The following MARCHF6 variants were observed in gnomAD, a reference collection of about 807,000 sequenced individuals.
MARCHF6 encodes membrane associated ring-CH-type finger 6.
A neutral mutation model predicts 133.7 loss-of-function variants in MARCHF6; 31 were observed. The ratio of observed to expected loss-of-function variants is 0.23; its 90% confidence interval spans 0.17 to 0.31. MARCHF6 has a LOEUF of 0.31. Among genes scored for constraint, MARCHF6 ranks in the 10% least tolerant of loss-of-function variants. The probability of loss-of-function intolerance (pLI) is 1.00; values close to 1 mark genes in which losing one functional copy is unlikely to be tolerated. For synonymous variants in MARCHF6, 395 were observed against 402.5 expected, an observed-to-expected ratio of 0.98 and a Z score of 0.22; for missense variants, 723 against 1,121.6, an observed-to-expected ratio of 0.64 and a Z score of 5.08.
chr5:10,373,332 C>G (rs1235419936), intron 1 of MARCHF6, among the ~76,000 whole-genome samples: 1 of 152,122 alleles, frequency 6.6e-6, no homozygotes, highest in Non-Finnish European at 1.5e-5. Context: ...ATCCATGTCT[C>G]TCTCCCCACT....
chr5:10,369,818 A>G (rs935052161), intron 1 of MARCHF6, among the ~76,000 whole-genome samples: 2 of 152,064 alleles, frequency 1.3e-5, no homozygotes, highest in African/African-American at 4.8e-5. Context: ...TGCATGTATC[A>G]CTAGTTCATT....
intron 8 of MARCHF6, 107 bp from the exon 9 acceptor site, chr5:10,394,646 G>A: frequency 1.3e-6 from 1 of 795,416 alleles, no homozygotes. Flanking sequence ...GGAAGTGGGT[G>A]AGGACTGTGT....
rs952210889 is a variant in MARCHF6 at position 10,411,333 on chromosome 5, G to C, written c.1692G>C (p.Leu564=). Residue 564 remains leucine (L), a splice_region_variant and synonymous_variant, in exon 19 of 26, where the codon CTG becomes CTC. Coordinates refer to ENST00000274140, the MANE Select transcript of MARCHF6 (RefSeq NM_005885.4). ...TGTTACTGATGTAATTTTTGCACAGGGATCTTCATTCTTATTTATTGGGAG... is the reference window on the plus strand; with the variant it reads ...TGTTACTGATGTAATTTTTGCACAGCGATCTTCATTCTTATTTATTGGGAG... ...RAWTVTAGYL[L]DLHSYLLGDQ... is the part of the protein sequence containing the mutation. 2 of 1,613,682 alleles carry C rather than the reference G, an allele frequency of 1.2e-6. No homozygotes were observed. The highest frequency in any genetic ancestry group is 2.7e-5 in the African/African-American group (2 of 74,990).
chr5:10,396,214 A>AG (rs1393440835), intron 9 of MARCHF6, among the ~76,000 whole-genome samples: 1 of 152,226 alleles, frequency 6.6e-6, no homozygotes, highest in Admixed American at 6.5e-5. Context: ...GATGCTCTAT[A>AG]GTGTGGTAGA....
intron 1 of MARCHF6, among the ~76,000 whole-genome samples, chr5:10,375,100 C>A (rs1431678764): frequency 1.3e-5 from 2 of 152,232 alleles, no homozygotes; most frequent in East Asian, 3.9e-4. Context: ...CTGTGGGAGC[C>A]CCTTTCTGGC....
Position 10,435,419 on chromosome 5 carries a change from A to T in MARCHF6, c.*1735A>T, listed in dbSNP as rs1740559716. On this transcript the variant is annotated 3_prime_UTR_variant, in exon 26 of 26. Transcript: ENST00000274140. ...ATCAGTATCAGAAATAATGCTTGAC[A>T]TAGGATTCAGTGTTATACTCTTTGG... 1 of 150,912 alleles carries T rather than the reference A, an allele frequency of 6.6e-6. No individual in the cohort carries two copies. Among genetic ancestry groups the T allele is most frequent in the South Asian group, 2.1e-4 (1 of 4,772 alleles). 9.3% of individuals were successfully genotyped at this position (150,912 alleles called of 1,614,324 possible). A position where few individuals can be genotyped will look rare whatever the true frequency, so the allele number is the denominator to read the frequency against.
intron 1 of MARCHF6, among the ~76,000 whole-genome samples, chr5:10,359,803 G>A (rs1255802562): frequency 2.0e-5 from 3 of 152,054 alleles, no homozygotes; most frequent in African/African-American, 7.2e-5. Context: ...TCAGGAGTTC[G>A]AGACCAGCCT....
intron 1 of MARCHF6, among the ~76,000 whole-genome samples, chr5:10,369,348 T>C (rs1204723167): frequency 6.6e-6 from 1 of 152,198 alleles, no homozygotes; most frequent in African/African-American, 2.4e-5. Context: ...GCTCATTGGG[T>C]GTACACTTCA....
chr5:10,387,158 CT>C (rs1212919132), intron 5 of MARCHF6, 92 bp downstream of exon 5: 34 of 962,430 alleles, frequency 3.5e-5, no homozygotes, highest in Non-Finnish European at 4.9e-5. Flanking sequence ...TTTGTAAATT[CT>C]TTTGTTTTGA....
chr5:10,414,396 T>G (rs777202435), intron 19 of MARCHF6, 37 bp from the exon 20 acceptor site: 1 of 1,174,632 alleles, frequency 8.5e-7, no homozygotes, highest in Non-Finnish European at 1.3e-6. Context: ...TGAGCACGTG[T>G]TCTCTATTTA....
intron 14 of MARCHF6, 118 bp from the exon 15 acceptor site, chr5:10,403,289 C>A: frequency 1.1e-6 from 1 of 892,506 alleles, no homozygotes; most frequent in Non-Finnish European, 1.7e-6. Context: ...AAGTGAACTG[C>A]AGTTCTAGGA....
intron 15 of MARCHF6, 22 bp downstream of exon 15, chr5:10,403,563 G>T (rs771411581): frequency 6.3e-7 from 1 of 1,586,394 alleles, no homozygotes; most frequent in African/African-American, 1.4e-5. Context: ...GGGAAATGCT[G>T]ATGCTGTACA....
In MARCHF6 at chr5:10,397,444, A is replaced by G. The variant is rs1445187347; in HGVS notation, c.913+100A>G. 7.0e-6 allele frequency: 6 copies of G among 863,236 alleles called. No homozygotes were observed. The East Asian group carries it at 1.1e-4, about 15-fold the overall frequency. The allele number at this position is 863,236 out of a possible 1,614,324, so 53.5% of individuals were successfully genotyped here. A position where few individuals can be genotyped will look rare whatever the true frequency, so the allele number is the denominator to read the frequency against. ...TTTATTATTATTTTTTAACATAGAA[A>G]TAAATACTAAGCAGTATATGAAAAT... On this transcript the variant is annotated intron_variant, in intron 10 of 25. Transcript: ENST00000274140.
intron 25 of MARCHF6, 94 bp from the exon 26 acceptor site, chr5:10,433,500 G>T: frequency 1.1e-6 from 1 of 922,218 alleles, no homozygotes; most frequent in Non-Finnish European, 1.8e-6. Context: ...AACCATTGAC[G>T]AGTTTTAAGT....
intron 1 of MARCHF6, among the ~76,000 whole-genome samples, chr5:10,359,314 G>T (rs528200962): frequency 5.3e-5 from 8 of 152,272 alleles, no homozygotes; most frequent in Non-Finnish European, 1.2e-4. Flanking sequence ...GATTTATCTT[G>T]TAAACAGACA....
chr5:10,364,677 A>T (rs1288943739), intron 1 of MARCHF6, among the ~76,000 whole-genome samples: 1 of 152,196 alleles, frequency 6.6e-6, no homozygotes, highest in Non-Finnish European at 1.5e-5. Flanking sequence ...TGTTGCCCAC[A>T]GCTGTTGGGC....
chr5:10,413,010 T>C (rs1294133931), intron 19 of MARCHF6, among the ~76,000 whole-genome samples: 2 of 152,194 alleles, frequency 1.3e-5, no homozygotes, highest in East Asian at 3.9e-4. Flanking sequence ...GAGATAACGC[T>C]CTTGAATGGG....
intron 22 of MARCHF6, among the ~76,000 whole-genome samples, chr5:10,419,628 T>TA (rs141102564): frequency 0.031 from 4,596 of 148,008 alleles, 229 homozygotes; most frequent in African/African-American, 0.11. Flanking sequence ...TTTTTTTTTT[T>TA]ACAGAAAAAT....
intron 25 of MARCHF6, among the ~76,000 whole-genome samples, chr5:10,431,405 T>G (rs1318542394): frequency 6.6e-6 from 1 of 152,186 alleles, no homozygotes. Flanking sequence ...CTTCTCAGCC[T>G]TTGCCAGGGG....
Sources: allele counts gnomAD v4.1 joint callset (sites outside exome capture counted in the v4.1 genomes callset), GRCh38; gene constraint gnomAD v4.1.1; transcripts MANE v1.5; gene names NCBI Gene and HGNC (gene_info 2026-07-23, HGNC 2026-07-21).